The following DOCK10 variants were observed in gnomAD, a reference collection of about 807,000 sequenced individuals.
DOCK10 encodes dedicator of cytokinesis 10.
In DOCK10, 145 loss-of-function variants were observed where a neutral mutation model predicts 280.1. That is an observed-to-expected ratio of 0.52 (90% CI 0.45 to 0.59). The LOEUF is 0.59. DOCK10 is among the 20% of genes least tolerant of loss of function. The pLI, the probability that DOCK10 is intolerant of heterozygous loss-of-function variation, is 0.00. For missense variants in DOCK10, 2,368 were observed against 2,651.7 expected, an observed-to-expected ratio of 0.89 and a Z score of 2.35; for synonymous variants, 915 against 942.2, an observed-to-expected ratio of 0.97 and a Z score of 0.53.
chr2:224,800,176 A>G lies in DOCK10; in HGVS notation c.4481T>C (p.Leu1494Ser), dbSNP rs1692884274. ...CTGATGAGTCTGTGTGAAGAGGGAT[A>G]ACAGGTCCAGAATAGTGAGGCAAAC... ...TEVCLTILDL[L>S]SLFTQTHQRQ... The change falls in exon 41 of 56, where the codon TTA becomes TCA. Residue 1494 changes from leucine (L) to serine (S), a missense_variant. Leu to Ser is a moderately radical substitution (Grantham distance 145). Transcript: ENST00000258390. 1.2e-6 allele frequency: 2 copies of G among 1,609,972 alleles called. No homozygotes were observed. Among genetic ancestry groups the G allele is most frequent in the Non-Finnish European group, 1.7e-6 (2 of 1,177,048 alleles).
intron 2 of DOCK10, among the ~76,000 whole-genome samples, chr2:224,922,026 G>A (rs1336751016): frequency 1.3e-5 from 2 of 151,380 alleles, no homozygotes; most frequent in Admixed American, 1.3e-4. Flanking sequence ...GGCTGAGGCA[G>A]GAGAATCGCT....
chr2:224,928,765 A>AT (rs1702170369), intron 2 of DOCK10, among the ~76,000 whole-genome samples: 1 of 152,216 alleles, frequency 6.6e-6, no homozygotes, highest in Non-Finnish European at 1.5e-5. Context: ...ATTGGAAATG[A>AT]TTCTTTGGAT....
At position 225,015,062 on chromosome 2, in the gene DOCK10, G is replaced by A. The variant is rs190872647; in HGVS notation, c.123+27190C>T. ...CTGAAGGCTGAATAAAATTCTTTTCGCTCCTGGGAACAGGAGGATGGGGGT... is the reference window on the plus strand; with the variant it reads ...CTGAAGGCTGAATAAAATTCTTTTCACTCCTGGGAACAGGAGGATGGGGGT... On this transcript the variant is annotated intron_variant, in intron 1 of 55. Transcript: ENST00000258390. 2.6e-3 allele frequency among the ~76,000 whole-genome samples: 394 copies of A among 152,204 alleles called. 2 individuals are homozygous for A. The highest frequency in any genetic ancestry group is 4.0e-3 in the Admixed American group (61 of 15,284).
At chr2:224,966,218 C>T (rs1237377405) in intron 1 of DOCK10, among the ~76,000 whole-genome samples, 2 of 152,178 alleles carry the variant, frequency 1.3e-5, no homozygotes, top group African/African-American at 4.8e-5. Context: ...AAAGACTTTT[C>T]TGAAGGGCCT....
chr2:224,887,772 C>T (rs1225670308), intron 4 of DOCK10, among the ~76,000 whole-genome samples: 1 of 152,122 alleles, frequency 6.6e-6, no homozygotes, highest in Admixed American at 6.5e-5. Context: ...ACTATCATCT[C>T]AATAGTTACT....
chr2:224,822,065 A>G (rs894559821), intron 28 of DOCK10, among the ~76,000 whole-genome samples: 1 of 152,162 alleles, frequency 6.6e-6, no homozygotes, highest in African/African-American at 2.4e-5. Context: ...TTCCACTTCT[A>G]TAGGCTTTTA....
chr2:225,035,625 A>AG (rs201067329), intron 1 of DOCK10, among the ~76,000 whole-genome samples: 4,046 of 123,318 alleles, frequency 0.033, 324 homozygotes, highest in African/African-American at 0.13. Flanking sequence ...TGTATTAGTC[A>AG]GTGCGGGCTG....
At chr2:224,941,213 A>G (rs1703047272) in intron 1 of DOCK10, among the ~76,000 whole-genome samples, 1 of 137,988 alleles carries the variant, frequency 7.2e-6, no homozygotes, top group African/African-American at 2.6e-5. Context: ...TTTTTTTTTT[A>G]GATGAGTAAG....
At chr2:224,918,227 T>C (rs1172728179) in intron 2 of DOCK10, among the ~76,000 whole-genome samples, 2 of 152,204 alleles carry the variant, frequency 1.3e-5, no homozygotes, top group Admixed American at 1.3e-4. Context: ...ATAACCTCAG[T>C]GCTAGTTGGA....
chr2:224,915,476 G>T (rs992137915), intron 3 of DOCK10, among the ~76,000 whole-genome samples: 2 of 151,816 alleles, frequency 1.3e-5, no homozygotes, highest in African/African-American at 4.8e-5. Flanking sequence ...TAATGGAATT[G>T]GGAAAAAAAA....
At position 224,854,975 on chromosome 2, in the gene DOCK10, A is replaced by G; in HGVS notation, c.1876T>C (p.Leu626=). Residue 626 remains leucine (L), a synonymous_variant, in exon 16 of 56, where the codon TTG becomes CTG. Transcript: ENST00000258390. ...SLDIAVDNVP[L]EHPNCVTSSF... is the part of the protein sequence containing the mutation. ...ATCATCATCATACTTGGATGCTCCAAGGGAACGTTGTCAACAGCAATATCC... is the reference window on the plus strand; with the variant it reads ...ATCATCATCATACTTGGATGCTCCAGGGGAACGTTGTCAACAGCAATATCC... The G allele has an allele frequency of 6.2e-7, 1 of 1,609,390 alleles. No homozygotes were observed. Among genetic ancestry groups the G allele is most frequent in the Non-Finnish European group, 8.5e-7 (1 of 1,177,488 alleles).
chr2:224,892,934 G>T (rs562688254), intron 4 of DOCK10, among the ~76,000 whole-genome samples: 4 of 152,234 alleles, frequency 2.6e-5, no homozygotes, highest in African/African-American at 4.8e-5. Flanking sequence ...GTCATGAAAA[G>T]ATCAGCACCT....
At chr2:225,034,837 G>A (rs977374392) in intron 1 of DOCK10, among the ~76,000 whole-genome samples, 1 of 152,186 alleles carries the variant, frequency 6.6e-6, no homozygotes, top group Non-Finnish European at 1.5e-5. Context: ...AGAGTGTTGA[G>A]GGTGGGGAGC....
At chr2:224,940,452 T>C (rs574338706) in intron 1 of DOCK10, among the ~76,000 whole-genome samples, 1 of 152,326 alleles carries the variant, frequency 6.6e-6, no homozygotes, top group East Asian at 1.9e-4. Context: ...TGAATGGTCT[T>C]AAAGGAGGAC....
chr2:224,770,082 G>A lies in DOCK10; in HGVS notation c.6444+129C>T. 9.2e-7 allele frequency: 1 copy of A among 1,091,840 alleles called. No homozygotes were observed. Among genetic ancestry groups the A allele is most frequent in the Non-Finnish European group, 1.2e-6 (1 of 805,846 alleles). 67.6% of individuals were successfully genotyped at this position (1,091,840 alleles called of 1,614,324 possible). A position where few individuals can be genotyped will look rare whatever the true frequency, so the allele number is the denominator to read the frequency against. On this transcript the variant is annotated intron_variant, in intron 55 of 55. Transcript: ENST00000258390. This position sits in a 1 kb window ranked among gnomAD's most constrained non-coding sequence, Gnocchi z 4.5. The stretch of plus-strand genomic sequence containing the variant: ...GGTGGTGTGCACGGGAGAGAGAACA[G>A]ATCAGCAACATGGTGCTGATGCAGT...
At chr2:224,811,635 T>A (rs950915474) in intron 31 of DOCK10, among the ~76,000 whole-genome samples, 9 of 152,386 alleles carry the variant, frequency 5.9e-5, no homozygotes, top group African/African-American at 2.2e-4. Flanking sequence ...CATGTAAGTC[T>A]TTAATCCATC....
chr2:224,980,604 C>A (rs973935094), intron 1 of DOCK10, among the ~76,000 whole-genome samples: 2 of 152,150 alleles, frequency 1.3e-5, no homozygotes, highest in African/African-American at 4.8e-5. Context: ...TGCACAATGA[C>A]TTTGTATGAG....
chr2:224,972,625 A>G (rs75058665), intron 1 of DOCK10, among the ~76,000 whole-genome samples: 2 of 152,244 alleles, frequency 1.3e-5, no homozygotes, highest in Non-Finnish European at 2.9e-5. Flanking sequence ...TAGTAAGTTC[A>G]GTTGTACCTA....
At chr2:224,847,700 C>T (rs1203481095) in intron 19 of DOCK10, among the ~76,000 whole-genome samples, 1 of 152,146 alleles carries the variant, frequency 6.6e-6, no homozygotes, top group African/African-American at 2.4e-5. Flanking sequence ...TTTTCACTTT[C>T]TGTCCTGAAT....
Sources: allele counts gnomAD v4.1 joint callset (sites outside exome capture counted in the v4.1 genomes callset), GRCh38; gene constraint gnomAD v4.1.1; non-coding constraint Gnocchi (gnomAD v3.1); transcripts MANE v1.5; gene names NCBI Gene and HGNC (gene_info 2026-07-23, HGNC 2026-07-21).